Variants in TNRC18 observed in about 807,000 individuals in gnomAD.
TNRC18 encodes the protein trinucleotide repeat-containing gene 18 protein.
In TNRC18, 69 loss-of-function variants were observed where a neutral mutation model predicts 226.7. The ratio of observed to expected loss-of-function variants is 0.30; its 90% CI spans 0.25 to 0.37. TNRC18 has a LOEUF of 0.37. TNRC18 is among the 10% of genes least tolerant of loss of function. The pLI is 1.00. For synonymous variants in TNRC18, 2,449 were observed against 1,927.6 expected (o/e 1.27, Z -7.09); for missense variants, 4,754 against 4,256.6 (o/e 1.12, Z -3.25).
Position 5,361,707 on chromosome 7 carries a change from T to A in TNRC18, c.4548A>T (p.Glu1516Asp). The part of the protein sequence containing the change: ...RRRDSEDRRE[E>D]PHRSLARRGP... ...CTCTGCGTGCCAAGCTTCTATGGGG[T>A]TCCTCGCGCCTGTCCCTTAAAAAGA... The change falls in exon 14 of 30, where the codon GAA (glutamate) becomes GAT (aspartate). Residue 1516 changes from glutamate (E) to aspartate (D), a missense_variant. Coordinates refer to ENST00000430969, the MANE Select transcript of TNRC18 (RefSeq NM_001080495.3). 6.4e-7 allele frequency: 1 copy of A among 1,567,178 alleles called. No homozygotes were observed. Among genetic ancestry groups the A allele is most frequent in the East Asian group, 2.4e-5 (1 of 41,964 alleles).
intron 10 of TNRC18, among the ~76,000 whole-genome samples, chr7:5,372,266 A>G (rs1456364003): frequency 2.0e-5 from 3 of 148,558 alleles, no homozygotes; most frequent in African/African-American, 5.0e-5. Context: ...TTTAGTAGAG[A>G]TGGGGTTTCA....
chr7:5,390,934 A>G (rs977659961), intron 3 of TNRC18, among the ~76,000 whole-genome samples: 1 of 152,120 alleles, frequency 6.6e-6, no homozygotes, highest in East Asian at 1.9e-4. Context: ...TGCCACTGTC[A>G]TCCTCATTTA....
rs749725977 is a variant in TNRC18 at position 5,376,164 on chromosome 7, C to T, written c.2669G>A (p.Arg890His). Residue 890 changes from arginine to histidine, a missense_variant, in exon 9 of 30, where the codon CGC becomes CAC. Arg to His is a conservative substitution (Grantham distance 29). Coordinates refer to ENST00000430969, the MANE Select transcript of TNRC18 (RefSeq NM_001080495.3). ...PLWPALYPPG[R>H]SPLHHAQQLQ... ...CTGCTGGGCGTGGTGCAGGGGGCTGCGGCCCGGCGGGTACAGGGCGGGCCA... is the reference window on the plus strand; with the variant it reads ...CTGCTGGGCGTGGTGCAGGGGGCTGTGGCCCGGCGGGTACAGGGCGGGCCA... 11 of 1,575,296 alleles carry T rather than the reference C, an allele frequency of 7.0e-6. No individual in the cohort carries two copies. The highest frequency in any genetic ancestry group is 1.2e-5 in the South Asian group (1 of 85,706).
In TNRC18 at chr7:5,377,362, C is replaced by A. The variant is rs1276204435; in HGVS notation, c.2461+9G>T. Reference sequence around the variant, plus strand: ...AGAGAAGGGGAGAGACCCTGTGCCCCACACTCACCGTAGGGGTGTCCAGCG... The same window carrying A: ...AGAGAAGGGGAGAGACCCTGTGCCCAACACTCACCGTAGGGGTGTCCAGCG... On this transcript the variant is annotated intron_variant, in intron 7 of 29. Coordinates refer to ENST00000430969, the MANE Select transcript of TNRC18 (RefSeq NM_001080495.3). This position sits in a 1 kb window ranked among gnomAD's most constrained non-coding sequence, Gnocchi z 5.8. The A allele has an allele frequency of 1.0e-5, 16 of 1,548,350 alleles. No homozygotes were observed. The highest frequency in any genetic ancestry group is 7.9e-6 in the Non-Finnish European group (9 of 1,144,872).
chr7:5,379,495 A>G (rs188664929), intron 5 of TNRC18, among the ~76,000 whole-genome samples: 26 of 151,618 alleles, frequency 1.7e-4, no homozygotes, highest in Non-Finnish European at 3.2e-4. Flanking sequence ...GGGAGATGCT[A>G]CCGGGCTCAC....
At chr7:5,372,893 T>A (rs1006753903) in intron 10 of TNRC18, among the ~76,000 whole-genome samples, 4 of 152,094 alleles carry the variant, frequency 2.6e-5, no homozygotes, top group Non-Finnish European at 5.9e-5. Flanking sequence ...ACATGGTGGC[T>A]CACGCCTGTA....
chr7:5,417,365 G>A (rs993048445), intron 2 of TNRC18, among the ~76,000 whole-genome samples: 1 of 151,770 alleles, frequency 6.6e-6, no homozygotes, highest in South Asian at 2.1e-4. Context: ...AGCTACTCGG[G>A]AGGCTGAGGT....
Position 5,331,652 on chromosome 7 carries a change from T to A in TNRC18, c.6147+970A>T, listed in dbSNP as rs7794662. On this transcript the variant is annotated intron_variant, in intron 19 of 29. Transcript: ENST00000430969. ...GAAGTACAGCACTAGCCGGGTGCAG[T>A]GGCTCACGCCTGGAATCTCAACACT... Among the ~76,000 whole-genome samples the A allele has an allele frequency of 6.1e-3, 930 of 152,116 alleles. 10 individuals carry two copies. Among genetic ancestry groups the A allele is most frequent in the African/African-American group, 0.021 (872 of 41,494 alleles).
At chr7:5,407,415 C>A (rs1161726458) in intron 2 of TNRC18, 1 of 152,262 alleles carries the variant, frequency 6.6e-6, no homozygotes, top group Non-Finnish European at 1.5e-5. Flanking sequence ...TCACCCCATC[C>A]TGCCCCTCCT....
chr7:5,347,219 G>A lies in TNRC18; in HGVS notation c.5471-1409C>T, dbSNP rs6965305. On this transcript the variant is annotated intron_variant, in intron 17 of 29. Transcript: ENST00000430969. ...TTTTTTTTTTTTGAGATAGAGTCTC[G>A]CTCTGTCACCCAGGCTGGAGTGCAG... is the stretch of plus-strand genomic sequence containing the variant. 5.8e-3 allele frequency among the ~76,000 whole-genome samples: 843 copies of A among 146,184 alleles called. 7 individuals carry two copies. The highest frequency in any genetic ancestry group is 0.021 in the African/African-American group (814 of 39,226).
At chr7:5,405,414 C>T (rs181849278) in intron 2 of TNRC18, among the ~76,000 whole-genome samples, 1 of 151,912 alleles carries the variant, frequency 6.6e-6, no homozygotes, top group South Asian at 2.1e-4. Flanking sequence ...ACTAAACATA[C>T]AAAAATTAGC....
chr7:5,389,418 G>A, intron 4 of TNRC18, 82 bp from the exon 5 acceptor site: 3 of 1,198,178 alleles, frequency 2.5e-6, no homozygotes, highest in South Asian at 7.8e-5. Flanking sequence ...ACCCCTGAGA[G>A]GGGGATGGAC....
At chr7:5,381,291 T>C (rs1172376173) in intron 5 of TNRC18, among the ~76,000 whole-genome samples, 1 of 152,160 alleles carries the variant, frequency 6.6e-6, no homozygotes, top group Non-Finnish European at 1.5e-5. Flanking sequence ...GCTCTAATCC[T>C]GGTCCTATCT....
At chr7:5,416,612 T>C (rs528487608) in intron 2 of TNRC18, among the ~76,000 whole-genome samples, 2 of 150,846 alleles carry the variant, frequency 1.3e-5, no homozygotes, top group African/African-American at 4.9e-5. Flanking sequence ...TCCCAGCACT[T>C]TGGGAGGCCA....
Position 5,374,135 on chromosome 7 carries a change from T to C in TNRC18, c.3149A>G (p.Glu1050Gly). ...PPTPGITRKE[E>G]APENVVEKKD... is the part of the protein sequence containing the mutation. ...CTTCTCGACCACATTCTCGGGAGCC[T>C]CCTCCTTGCGGGTGATACCCGGGGT... The change falls in exon 10 of 30, where the codon GAG becomes GGG. Residue 1050 changes from glutamate to glycine, a missense_variant. Transcript: ENST00000430969. 6.8e-7 allele frequency: 1 copy of C among 1,466,094 alleles called. No individual in the cohort carries two copies. Among genetic ancestry groups the C allele is most frequent in the East Asian group, 3.3e-5 (1 of 30,414 alleles). The allele number at this position is 1,466,094 out of a possible 1,614,324, so 90.8% of individuals were successfully genotyped here. A position where few individuals can be genotyped will look rare whatever the true frequency, so the allele number is the denominator to read the frequency against.
Position 5,324,401 on chromosome 7 carries a change from G to A in TNRC18, c.6301-46C>T. The stretch of plus-strand genomic sequence containing the variant: ...ACAAATGACTTAGGACCTGAACAGG[G>A]GTCCTGCCGGGTTGGGGACCCTCTC... On this transcript the variant is annotated intron_variant, in intron 20 of 29. Coordinates refer to ENST00000430969, the MANE Select transcript of TNRC18 (RefSeq NM_001080495.3). The surrounding 1 kb of genome is among the most constrained non-coding windows in gnomAD (Gnocchi z 4.8). The A allele has an allele frequency of 6.2e-7, 1 of 1,600,536 alleles. No individual in the cohort carries two copies. Among genetic ancestry groups the A allele is most frequent in the South Asian group, 1.1e-5 (1 of 90,520 alleles).
At chr7:5,417,702 G>C (rs1782278098) in intron 2 of TNRC18, among the ~76,000 whole-genome samples, 1 of 152,188 alleles carries the variant, frequency 6.6e-6, no homozygotes, top group Non-Finnish European at 1.5e-5. Flanking sequence ...GTTGGGAGCT[G>C]AAGAACCAAG....
intron 18 of TNRC18, among the ~76,000 whole-genome samples, chr7:5,343,453 C>CA (rs1386005776): frequency 2.0e-5 from 3 of 152,154 alleles, no homozygotes; most frequent in Non-Finnish European, 4.4e-5. Context: ...GACAGGGTCT[C>CA]ATTCTCTTGC....
At chr7:5,343,289 G>C (rs1317944091) in intron 18 of TNRC18, among the ~76,000 whole-genome samples, 1 of 152,170 alleles carries the variant, frequency 6.6e-6, no homozygotes, top group Non-Finnish European at 1.5e-5. Flanking sequence ...AGGAGGTGGA[G>C]ATTGCAGTGA....
Sources: gnomAD v4.1 joint callset for allele counts (sites outside exome capture counted in the v4.1 genomes callset) on GRCh38, gnomAD v4.1.1 for gene constraint, Gnocchi (gnomAD v3.1) non-coding constraint, MANE v1.5 for transcripts, NCBI Gene and HGNC (gene_info 2026-07-23, HGNC 2026-07-21) for gene names.